Variants in SVIL observed in about 807,000 individuals in gnomAD.
SVIL encodes the protein archvillin.
In SVIL, 101 loss-of-function variants were observed where a neutral mutation model predicts 240.4. That is an observed-to-expected ratio of 0.42 (90% CI 0.36 to 0.50). The LOEUF (loss-of-function observed/expected upper bound fraction) is 0.50, where lower values mean the gene tolerates loss of function less well. Ranked by LOEUF, SVIL falls within the 20% of genes least tolerant of loss-of-function variation. The probability of loss-of-function intolerance (pLI) is 0.01; values close to 1 mark genes in which losing one functional copy is unlikely to be tolerated. For missense variants in SVIL, 2,512 were observed against 2,818.7 expected (o/e 0.89, Z 2.46); for synonymous variants, 999 against 1,100.0 (o/e 0.91, Z 1.82).
intron 2 of SVIL, among the ~76,000 whole-genome samples, chr10:29,669,314 C>T (rs559467704): frequency 1.3e-5 from 2 of 152,122 alleles, no homozygotes; most frequent in Admixed American, 6.5e-5. Flanking sequence ...GGTCTGTGCA[C>T]GAAACTTGCA....
At chr10:29,626,945 A>C (rs1279957401) in intron 1 of SVIL, among the ~76,000 whole-genome samples, 1 of 151,880 alleles carries the variant, frequency 6.6e-6, no homozygotes, top group Non-Finnish European at 1.5e-5. Flanking sequence ...AATGGTGTGA[A>C]CCCGGGAGGC....
At chr10:29,533,882 A>G (rs1281141369) in intron 7 of SVIL, among the ~76,000 whole-genome samples, 1 of 152,208 alleles carries the variant, frequency 6.6e-6, no homozygotes, top group Non-Finnish European at 1.5e-5. Flanking sequence ...GGTTCCTGGC[A>G]TACAGACACC....
At chr10:29,708,937 T>C (rs1228041073) in intron 1 of SVIL, among the ~76,000 whole-genome samples, 2 of 151,938 alleles carry the variant, frequency 1.3e-5, no homozygotes, top group Admixed American at 6.6e-5. Flanking sequence ...GATTACACAA[T>C]GAAAAGTTCA....
intron 29 of SVIL, among the ~76,000 whole-genome samples, chr10:29,477,512 AGCT>A (rs766654716): frequency 6.6e-6 from 1 of 152,218 alleles, no homozygotes; most frequent in East Asian, 1.9e-4. Flanking sequence ...CCACCTGTGC[AGCT>A]GCTGCTTTTG....
intron 17 of SVIL, chr10:29,507,621 AC>A (rs1949480259): frequency 3.6e-6 from 1 of 281,622 alleles, no homozygotes; most frequent in South Asian, 1.5e-4. Flanking sequence ...ACACACACAC[AC>A]CTCTCTTTCA....
Position 29,536,038 on chromosome 10 carries a change from G to T in SVIL, c.859C>A (p.Gln287Lys). ...GGTGTGTCCCCTTCGGAATCTTTCT[G>T]GAGAAACCACTCATGTTTGGGTTTC... ...TGKPKHEWFL[Q>K]KDSEGDTPSL... The change falls in exon 7 of 38, where the codon CAG (glutamine) becomes AAG (lysine). Residue 287 changes from glutamine (Q) to lysine (K), a missense_variant. Around this residue, in one of 3 missense-constraint regions of SVIL, gnomAD observed 1,443 missense variants for 1,486.6 expected, o/e 0.97. Coordinates refer to ENST00000355867, the MANE Select transcript of SVIL (RefSeq NM_021738.3). 1 of 1,614,162 alleles carries T rather than the reference G, an allele frequency of 6.2e-7. No individual in the cohort carries two copies.
At chr10:29,643,738 G>T (rs1362783249) in intron 3 of SVIL, among the ~76,000 whole-genome samples, 1 of 152,166 alleles carries the variant, frequency 6.6e-6, no homozygotes, top group East Asian at 1.9e-4. Flanking sequence ...AACTTTACTG[G>T]CTTTAGCTGA....
At chr10:29,709,246 C>T (rs144670245) in intron 1 of SVIL, among the ~76,000 whole-genome samples, 74 of 152,314 alleles carry the variant, frequency 4.9e-4, no homozygotes, top group East Asian at 3.1e-3. Flanking sequence ...ACCAGCTGAG[C>T]ATCTCTAATC....
intron 6 of SVIL, among the ~76,000 whole-genome samples, chr10:29,539,712 T>G (rs1952003686): frequency 6.6e-6 from 1 of 152,136 alleles, no homozygotes; most frequent in Non-Finnish European, 1.5e-5. Context: ...TTAGCTGAGT[T>G]CTCCTCCTCA....
intron 2 of SVIL, among the ~76,000 whole-genome samples, chr10:29,568,104 G>T (rs1289521307): frequency 2.0e-5 from 3 of 152,002 alleles, no homozygotes; most frequent in Non-Finnish European, 2.9e-5. Flanking sequence ...AAATACGGAT[G>T]CATCCCATTA....
intron 1 of SVIL, among the ~76,000 whole-genome samples, chr10:29,699,428 G>C (rs1318734020): frequency 6.6e-6 from 1 of 152,100 alleles, no homozygotes; most frequent in African/African-American, 2.4e-5. Context: ...TCAGCCTCCT[G>C]AGTAGCTGGG....
In SVIL at chr10:29,486,562, A is replaced by C; in HGVS notation, c.4486-5T>G. On this transcript the variant is annotated splice_region_variant and splice_polypyrimidine_tract_variant and intron_variant, in intron 24 of 37. Transcript: ENST00000355867. The stretch of plus-strand genomic sequence containing the variant: ...TAAAGTTGCAAGTTCTGAGGCCTAA[A>C]AAAGAGAGGAACACAATTGCCTGGG... The C allele has an allele frequency of 6.2e-7, 1 of 1,614,120 alleles. No homozygotes were observed. Among genetic ancestry groups the C allele is most frequent in the Non-Finnish European group, 8.5e-7 (1 of 1,180,034 alleles).
intron 13 of SVIL, 83 bp from the exon 14 acceptor site, chr10:29,524,798 T>C: frequency 1.3e-6 from 2 of 1,574,410 alleles, no homozygotes; most frequent in Admixed American, 1.8e-5. Context: ...TTCTGCCAAG[T>C]GTCACATCAT....
chr10:29,604,211 T>C (rs1305955133), intron 1 of SVIL, among the ~76,000 whole-genome samples: 1 of 151,316 alleles, frequency 6.6e-6, no homozygotes, highest in Admixed American at 6.6e-5. Flanking sequence ...TCTTTTTTTT[T>C]TTTTTTGAGA....
intron 2 of SVIL, among the ~76,000 whole-genome samples, chr10:29,661,867 T>C (rs530087523): frequency 1.3e-4 from 20 of 152,272 alleles, no homozygotes; most frequent in South Asian, 4.2e-4. Context: ...CTCATTATGT[T>C]GCTCAGGCTG....
rs1370281806 is a variant in SVIL at position 29,697,487 on chromosome 10, C to A, written c.-399-10836G>T. ...TTCTGTACTAAGAAAAATTCTTCTG[C>A]CTTGGGATCTTGTTGATCTATGACC... On this transcript the variant is annotated intron_variant, in intron 1 of 35. Coordinates refer to the SVIL transcript ENST00000375400. 1.9e-4 allele frequency among the ~76,000 whole-genome samples: 14 copies of A among 74,160 alleles called. 3 individuals carry two copies. Among genetic ancestry groups the A allele is most frequent in the African/African-American group, 7.2e-4 (11 of 15,230 alleles). 48.7% of individuals were successfully genotyped at this position (74,160 alleles called of 152,430 possible).
chr10:29,714,161 G>A (rs1271955026), intron 1 of SVIL, among the ~76,000 whole-genome samples: 2 of 152,182 alleles, frequency 1.3e-5, no homozygotes, highest in Non-Finnish European at 2.9e-5. Flanking sequence ...CTGGAACCCA[G>A]GCAGCTTAGG....
intron 1 of SVIL, among the ~76,000 whole-genome samples, chr10:29,633,347 C>A (rs1470315952): frequency 6.6e-6 from 1 of 152,016 alleles, no homozygotes; most frequent in Non-Finnish European, 1.5e-5. Context: ...CAATTTATAT[C>A]CTGCAGTTTT....
chr10:29,689,371 G>A (rs1006580615), intron 1 of SVIL, among the ~76,000 whole-genome samples: 4 of 151,882 alleles, frequency 2.6e-5, no homozygotes, highest in African/African-American at 2.4e-5. Context: ...TGCAACCTCC[G>A]CCTCCCGGGT....
Sources: gnomAD v4.1 joint callset for allele counts (sites outside exome capture counted in the v4.1 genomes callset) on GRCh38, gnomAD v4.1.1 for gene constraint, gnomAD v4.1.1 regional missense constraint, MANE v1.5 for transcripts, NCBI Gene and HGNC (gene_info 2026-07-23, HGNC 2026-07-21) for gene names.